NOSTRIN: variants seen among roughly 807,000 people sequenced by gnomAD.
NOSTRIN encodes BM247 homolog.
In NOSTRIN, 63 loss-of-function variants were observed where a neutral mutation model predicts 59.0. The ratio of observed to expected loss-of-function variants is 1.07; its 90% confidence interval spans 0.87 to 1.32. The LOEUF is 1.32. NOSTRIN is among the 40% of genes most tolerant of loss of function. NOSTRIN has a pLI of 0.00. For missense variants in NOSTRIN, 512 were observed against 473.1 expected, an observed-to-expected ratio of 1.08 and a Z score of -0.76; for synonymous variants, 200 against 165.4, an observed-to-expected ratio of 1.21 and a Z score of -1.61.
At chr2:168,811,884 C>T (rs774234783) in intron 2 of NOSTRIN, 5 of 346,080 alleles carry the variant, frequency 1.4e-5, no homozygotes, top group Non-Finnish European at 2.6e-5. Context: ...AGTCAAGTCT[C>T]TTCTGATTCC....
upstream of NOSTRIN, among the ~76,000 whole-genome samples, chr2:168,802,085 G>A (rs776814055): frequency 6.6e-6 from 1 of 152,042 alleles, no homozygotes; most frequent in Non-Finnish European, 1.5e-5. Context: ...TTGAGAACTG[G>A]GTAACAGAGA....
intron 7 of NOSTRIN, among the ~76,000 whole-genome samples, chr2:168,838,777 A>AT (rs1425280702): frequency 1.4e-5 from 2 of 140,858 alleles, no homozygotes; most frequent in African/African-American, 5.7e-5. Context: ...TTCAGAATAA[A>AT]TAAAAAAAAC....
chr2:168,797,079 C>CTT (rs775176252), upstream of NOSTRIN, among the ~76,000 whole-genome samples: 18,042 of 74,968 alleles, frequency 0.24, 2,183 homozygotes, highest in Middle Eastern at 0.34. Context: ...TTTCTTTTTT[C>CTT]TTTTTTTTTT....
intron 2 of NOSTRIN, among the ~76,000 whole-genome samples, chr2:168,817,078 C>T (rs1012005546): frequency 2.0e-5 from 3 of 152,218 alleles, no homozygotes; most frequent in Admixed American, 6.5e-5. Context: ...GTGTCTTATA[C>T]TTGATCTCTT....
At chr2:168,812,120 C>G (rs560496825) in intron 2 of NOSTRIN, 1 of 152,780 alleles carries the variant, frequency 6.5e-6, no homozygotes, top group East Asian at 1.9e-4. Context: ...TCAGCATCGT[C>G]TTCTTAGTAC....
Position 168,865,165 on chromosome 2 carries a change from C to T in NOSTRIN, c.*195C>T, listed in dbSNP as rs1346123915. On this transcript the variant is annotated 3_prime_UTR_variant, in exon 16 of 16. Transcript: ENST00000317647. ...AAAAAGATGGATGGGTGGAGACAGA[C>T]AAGGAAGAGGCTCCTTGGTTCCTAG... 2 of 611,026 alleles carry T rather than the reference C, an allele frequency of 3.3e-6. No individual in the cohort carries two copies. The highest frequency in any genetic ancestry group is 5.5e-6 in the Non-Finnish European group (2 of 362,294). The allele number at this position is 611,026 out of a possible 1,614,324, so 37.9% of individuals were successfully genotyped here.
rs190132524 is a variant in NOSTRIN at position 168,792,958 on chromosome 2, A to C, written c.-473+4910A>C. Among the ~76,000 whole-genome samples the C allele has an allele frequency of 2.5e-3, 384 of 152,320 alleles. 1 individual carries two copies. Among genetic ancestry groups the C allele is most frequent in the Middle Eastern group, 0.014 (4 of 294 alleles). ...AAGAAATTTCTCCCAAAGTTAGCAT[A>C]CTAATTTGTAGTGTGGCCAACTTTT... On this transcript the variant is annotated intron_variant, in intron 2 of 20. Transcript: ENST00000458381.
chr2:168,856,766 G>A lies in NOSTRIN; in HGVS notation c.1041G>A (p.Ala347=), dbSNP rs780865187. The part of the protein sequence containing the change: ...SDAKSQKDTA[A]LMDENNLKLD... ...CAAAGAGCCAGAAAGACACAGCAGC[G>A]TTAATGGATGAGGTAAATGTTTGCC... The change falls in exon 12 of 16, where the codon GCG becomes GCA. Residue 347 remains alanine (A), a synonymous_variant. Coordinates refer to ENST00000317647, the MANE Select transcript of NOSTRIN (RefSeq NM_001039724.4). 42 of 1,613,944 alleles carry A rather than the reference G, an allele frequency of 2.6e-5. No individual in the cohort carries two copies. Among genetic ancestry groups the A allele is most frequent in the Middle Eastern group, 1.6e-4 (1 of 6,084 alleles).
At chr2:168,799,623 G>A (rs953703068), upstream of NOSTRIN, among the ~76,000 whole-genome samples, 1 of 152,112 alleles carries the variant, frequency 6.6e-6, no homozygotes, top group African/African-American at 2.4e-5. Context: ...TGTGTAGGGT[G>A]GAATGTGGGG....
intron 8 of NOSTRIN, among the ~76,000 whole-genome samples, chr2:168,850,094 G>T (rs1452784880): frequency 1.3e-5 from 2 of 151,858 alleles, no homozygotes; most frequent in Non-Finnish European, 2.9e-5. Flanking sequence ...TGTATTTTTA[G>T]TAGAGATAAG....
chr2:168,828,594 G>A (rs1687184340), intron 5 of NOSTRIN, 93 bp downstream of exon 5: 1 of 532,032 alleles, frequency 1.9e-6, no homozygotes, highest in Admixed American at 3.0e-5. Context: ...GTGGTACCAA[G>A]TTTCAGGAAT....
chr2:168,850,103 A>T (rs1001690748), intron 8 of NOSTRIN, among the ~76,000 whole-genome samples: 82 of 151,530 alleles, frequency 5.4e-4, no homozygotes, highest in African/African-American at 2.0e-3. Flanking sequence ...AGTAGAGATA[A>T]GGTTTCACCA....
At chr2:168,832,918 G>C (rs549601127) in intron 6 of NOSTRIN, among the ~76,000 whole-genome samples, 14 of 152,038 alleles carry the variant, frequency 9.2e-5, no homozygotes, top group Admixed American at 2.0e-4. Flanking sequence ...CACTACACCT[G>C]GCCTTTAAAA....
intron 13 of NOSTRIN, among the ~76,000 whole-genome samples, chr2:168,860,483 T>C (rs1689365870): frequency 6.6e-6 from 1 of 152,112 alleles, no homozygotes. Context: ...GCAGCCTGGC[T>C]GACACGGTGA....
chr2:168,861,663 CA>C (rs1689457230), intron 14 of NOSTRIN, among the ~76,000 whole-genome samples: 1 of 152,046 alleles, frequency 6.6e-6, no homozygotes, highest in Non-Finnish European at 1.5e-5. Flanking sequence ...GAATGTTTTC[CA>C]AAACATGCAT....
chr2:168,854,206 A>C (rs923496429), intron 10 of NOSTRIN, among the ~76,000 whole-genome samples: 2 of 152,218 alleles, frequency 1.3e-5, no homozygotes, highest in Non-Finnish European at 2.9e-5. Context: ...GCAATGAAAA[A>C]TATGTAAATA....
intron 7 of NOSTRIN, among the ~76,000 whole-genome samples, chr2:168,840,622 A>G (rs909579362): frequency 5.3e-5 from 8 of 152,010 alleles, no homozygotes; most frequent in African/African-American, 1.9e-4. Flanking sequence ...CTTAGTATCA[A>G]TTGGAATAAT....
chr2:168,821,012 A>T (rs1490208271), intron 2 of NOSTRIN, among the ~76,000 whole-genome samples: 1 of 152,180 alleles, frequency 6.6e-6, no homozygotes, highest in African/African-American at 2.4e-5. Context: ...AGAAAACGGG[A>T]TTCTTCCTCC....
At chr2:168,826,494 T>TA (rs1452768527) in intron 3 of NOSTRIN, among the ~76,000 whole-genome samples, 2 of 152,178 alleles carry the variant, frequency 1.3e-5, no homozygotes, top group Non-Finnish European at 2.9e-5. Flanking sequence ...TTTCCATTTT[T>TA]ACCCTGTCTT....
Sources: gnomAD v4.1 joint callset for allele counts (sites outside exome capture counted in the v4.1 genomes callset) on GRCh38, gnomAD v4.1.1 for gene constraint, MANE v1.5 for transcripts, NCBI Gene and HGNC (gene_info 2026-07-23, HGNC 2026-07-21) for gene names.